ADAM10: variants seen among roughly 807,000 people sequenced by gnomAD.
ADAM10 encodes the protein ADAM metallopeptidase domain 10, also known as disintegrin and metalloproteinase domain-containing protein 10.
A neutral mutation model predicts 90.1 loss-of-function variants in ADAM10; 17 were observed. The ratio of observed to expected loss-of-function variants is 0.19; its 90% CI spans 0.13 to 0.28. The LOEUF (loss-of-function observed/expected upper bound fraction) is 0.28. Among genes scored for constraint, ADAM10 ranks in the 10% least tolerant of loss-of-function variants. The pLI is 1.00. For missense variants in ADAM10, 610 were observed against 914.3 expected (o/e 0.67, Z 4.29); for synonymous variants, 310 against 298.6 (o/e 1.04, Z -0.40).
intron 1 of ADAM10, among the ~76,000 whole-genome samples, chr15:58,726,566 CCAAAAAA>C (rs1899036182): frequency 1.0e-4 from 1 of 9,806 alleles, no homozygotes; most frequent in African/African-American, 5.0e-4. Context: ...CCTCAGTCTC[CCAAAAAA>C]AAAAAAAAAA....
intron 12 of ADAM10, 116 bp downstream of exon 12, chr15:58,611,692 T>C: frequency 2.1e-6 from 2 of 971,040 alleles, no homozygotes; most frequent in Middle Eastern, 2.6e-4. Flanking sequence ...GAGGGAATAT[T>C]ACTTAAACAG....
chr15:58,669,767 CCA>C (rs1160901372), intron 4 of ADAM10, among the ~76,000 whole-genome samples: 1 of 152,112 alleles, frequency 6.6e-6, no homozygotes, highest in Admixed American at 6.5e-5. Flanking sequence ...ATCATGGTAT[CCA>C]CACAACAGAC....
chr15:58,699,684 A>G (rs1898077807), intron 2 of ADAM10, among the ~76,000 whole-genome samples: 1 of 152,098 alleles, frequency 6.6e-6, no homozygotes, highest in African/African-American at 2.4e-5. Flanking sequence ...AGGTGGGAGG[A>G]TCACCTGAGC....
rs1385626487 is a variant in ADAM10 at position 58,590,105 on chromosome 15, T to C, written c.*7442A>G. 1 of 152,222 alleles carries C rather than the reference T, an allele frequency of 6.6e-6. No homozygotes were observed. The highest frequency in any genetic ancestry group is 1.5e-5 in the Non-Finnish European group (1 of 68,042). 9.4% of individuals were successfully genotyped at this position (152,222 alleles called of 1,614,324 possible). ...ATGTAATCTATTTAAACTCTCTTCA[T>C]CCATCATATTTTGACTCAAGCATCA... On this transcript the variant is annotated 3_prime_UTR_variant, in exon 16 of 16. Transcript: ENST00000260408.
At chr15:58,701,395 C>T (rs771450821) in intron 2 of ADAM10, among the ~76,000 whole-genome samples, 2 of 152,166 alleles carry the variant, frequency 1.3e-5, no homozygotes, top group Non-Finnish European at 2.9e-5. Context: ...CAATGCTCAA[C>T]ATTACTTACC....
chr15:58,653,583 G>C (rs182767192), intron 5 of ADAM10, among the ~76,000 whole-genome samples: 1 of 152,214 alleles, frequency 6.6e-6, no homozygotes, highest in Admixed American at 6.5e-5. Flanking sequence ...CATGATGAAT[G>C]ATCTTTTTAA....
intron 5 of ADAM10, among the ~76,000 whole-genome samples, chr15:58,652,456 T>C (rs993131952): frequency 6.6e-6 from 1 of 152,196 alleles, no homozygotes; most frequent in Non-Finnish European, 1.5e-5. Flanking sequence ...TTCCTCTGCA[T>C]ACGGATATCC....
In ADAM10 at chr15:58,665,167, C is replaced by A. The variant is rs1897051010; in HGVS notation, c.515G>T (p.Gly172Val). 6.2e-7 allele frequency: 1 copy of A among 1,612,988 alleles called. No individual in the cohort carries two copies. Among genetic ancestry groups the A allele is most frequent in the South Asian group, 1.1e-5 (1 of 91,062 alleles). Residue 172 changes from glycine to valine, a missense_variant, in exon 5 of 16, where the codon GGC (glycine) becomes GTC (valine). This residue lies in a region of ADAM10 where 310 missense variants were observed against 362.4 expected (regional missense o/e 0.86). Transcript: ENST00000260408. ...NYPHKYGPQG[G>V]CADHSVFERM... ...TTCAAATACTGAATGATCTGCACAG[C>A]CCCCCTGAGGACCGTATTTATGGGG... is the stretch of plus-strand genomic sequence containing the variant.
chr15:58,687,731 A>G (rs1253135778), intron 2 of ADAM10, among the ~76,000 whole-genome samples: 1 of 152,242 alleles, frequency 6.6e-6, no homozygotes, highest in Non-Finnish European at 1.5e-5. Context: ...ATAAAAAGGA[A>G]CAAACTATTG....
chr15:58,722,494 G>C (rs1898887418), intron 1 of ADAM10, among the ~76,000 whole-genome samples: 1 of 150,262 alleles, frequency 6.7e-6, no homozygotes, highest in Non-Finnish European at 1.5e-5. Context: ...TATGATAACG[G>C]CCAGTGCACT....
Position 58,722,047 on chromosome 15 carries a change from T to C in ADAM10, c.56-4320A>G, listed in dbSNP as rs117411928. Among the ~76,000 whole-genome samples the C allele has an allele frequency of 1.6e-3, 231 of 145,754 alleles. 6 individuals carry two copies. The East Asian group carries it at 0.041, about 26-fold the overall frequency. ...CTGTCTGAAATAATAAATATATATA[T>C]GTAAATAATAGGCCGGGCACGGTGG... On this transcript the variant is annotated intron_variant, in intron 1 of 15. Coordinates refer to ENST00000260408, the MANE Select transcript of ADAM10 (RefSeq NM_001110.4).
intron 4 of ADAM10, among the ~76,000 whole-genome samples, chr15:58,668,043 G>C (rs866436652): frequency 1.3e-5 from 2 of 152,084 alleles, no homozygotes; most frequent in Non-Finnish European, 2.9e-5. Context: ...AAGAGGGCCA[G>C]ACATGTCCCT....
intron 7 of ADAM10, among the ~76,000 whole-genome samples, chr15:58,642,723 C>A (rs1029372333): frequency 3.2e-4 from 49 of 152,170 alleles, no homozygotes; most frequent in Admixed American, 3.9e-4. Context: ...CTCTACTTTT[C>A]ATTACTTGCA....
chr15:58,639,699 G>T (rs547458027), intron 8 of ADAM10, among the ~76,000 whole-genome samples: 1 of 151,880 alleles, frequency 6.6e-6, no homozygotes, highest in Non-Finnish European at 1.5e-5. Flanking sequence ...TTAAAACATA[G>T]AAGAAAAACA....
At chr15:58,643,821 G>T (rs1462149150) in intron 7 of ADAM10, 65 bp downstream of exon 7, 1 of 1,173,332 alleles carries the variant, frequency 8.5e-7, no homozygotes, top group Non-Finnish European at 1.3e-6. Context: ...GCTTTTGTGT[G>T]TGTGTGTAAA....
intron 10 of ADAM10, among the ~76,000 whole-genome samples, chr15:58,625,273 A>G (rs1895904117): frequency 6.6e-6 from 1 of 152,210 alleles, no homozygotes; most frequent in African/African-American, 2.4e-5. Context: ...ACTAGTATCT[A>G]GACTATATAA....
At chr15:58,607,925 G>A (rs1053078762) in intron 14 of ADAM10, among the ~76,000 whole-genome samples, 7 of 150,054 alleles carry the variant, frequency 4.7e-5, no homozygotes, top group Non-Finnish European at 8.8e-5. Context: ...CCTAATTAAA[G>A]AAAAGGAGAT....
intron 1 of ADAM10, among the ~76,000 whole-genome samples, chr15:58,739,147 C>G (rs1387626835): frequency 1.3e-5 from 2 of 152,134 alleles, no homozygotes; most frequent in Non-Finnish European, 2.9e-5. Flanking sequence ...CATGGAGTTA[C>G]TAAGAGATTT....
chr15:58,668,442 T>G (rs1897126484), intron 4 of ADAM10, among the ~76,000 whole-genome samples: 1 of 152,144 alleles, frequency 6.6e-6, no homozygotes. Flanking sequence ...GCGAATCTCT[T>G]TTCCTTTCTT....
Sources: gnomAD v4.1 joint callset for allele counts (sites outside exome capture counted in the v4.1 genomes callset) on GRCh38, gnomAD v4.1.1 for gene constraint, gnomAD v4.1.1 regional missense constraint, MANE v1.5 for transcripts, NCBI Gene and HGNC (gene_info 2026-07-23, HGNC 2026-07-21) for gene names.